The following NUMB variants were observed in gnomAD, a reference collection of about 807,000 sequenced individuals.
NUMB encodes the protein NUMB endocytic adaptor protein, also known as protein numb homolog.
Under a neutral mutation model 59.7 loss-of-function variants are expected in NUMB, and 29 were observed. The ratio of observed to expected loss-of-function variants is 0.49; its 90% confidence interval spans 0.36 to 0.66. The LOEUF is 0.66. Among genes scored for constraint, NUMB ranks in the 30% least tolerant of loss-of-function variants. The probability of loss-of-function intolerance (pLI) is 0.00; values close to 1 mark genes in which losing one functional copy is unlikely to be tolerated. For synonymous variants in NUMB, 288 were observed against 288.2 expected (o/e 1.00, Z 0.01); for missense variants, 723 against 822.0 (o/e 0.88, Z 1.47).
chr14:73,440,812 A>G (rs1382738252), intron 1 of NUMB, among the ~76,000 whole-genome samples: 1 of 126,504 alleles, frequency 7.9e-6, no homozygotes, highest in Non-Finnish European at 1.6e-5. Flanking sequence ...TGGGTGACAG[A>G]GCGAGACTCC....
intron 1 of NUMB, among the ~76,000 whole-genome samples, chr14:73,452,764 T>G (rs1402348133): frequency 6.6e-6 from 1 of 152,150 alleles, no homozygotes; most frequent in Non-Finnish European, 1.5e-5. Context: ...AAGAAGAGCC[T>G]TCTTCTAAAT....
rs1594953942 is a variant in NUMB at position 73,366,830 on chromosome 14, A to C, written c.-16+67T>G. Reference sequence around the variant, plus strand: ...AATATTAATACTAACACAACTTATCACAGGTTGATACTTCACAGCTATTTC... The same window carrying C: ...AATATTAATACTAACACAACTTATCCCAGGTTGATACTTCACAGCTATTTC... On this transcript the variant is annotated intron_variant, in intron 3 of 12. Coordinates refer to ENST00000555238, the MANE Select transcript of NUMB (RefSeq NM_001005743.2). 4 of 152,314 alleles carry C rather than the reference A, an allele frequency of 2.6e-5. No homozygotes were observed. In the South Asian group the frequency reaches 8.3e-4, roughly 32 times the overall value. The allele number at this position is 152,314 out of a possible 1,614,324, so 9.4% of individuals were successfully genotyped here.
chr14:73,367,155 T>C (rs1048959035), intron 2 of NUMB, among the ~76,000 whole-genome samples, 174 bp from the exon 3 acceptor site: 1 of 151,234 alleles, frequency 6.6e-6, no homozygotes, highest in Non-Finnish European at 1.5e-5. Context: ...TCCAAGTTAC[T>C]CCAGTAACTG....
chr14:73,386,440 C>T (rs1440579698), intron 2 of NUMB, among the ~76,000 whole-genome samples: 1 of 152,170 alleles, frequency 6.6e-6, no homozygotes, highest in East Asian at 1.9e-4. Flanking sequence ...TGATCCAACG[C>T]TGCTACAATT....
At chr14:73,305,518 A>C (rs1198146072) in intron 6 of NUMB, among the ~76,000 whole-genome samples, 1 of 152,212 alleles carries the variant, frequency 6.6e-6, no homozygotes, top group Non-Finnish European at 1.5e-5. Context: ...AATTAACAAA[A>C]ATAAAAATGA....
chr14:73,433,753 G>A (rs1402478157), intron 1 of NUMB, among the ~76,000 whole-genome samples: 1 of 151,886 alleles, frequency 6.6e-6, no homozygotes, highest in Non-Finnish European at 1.5e-5. Flanking sequence ...AGGAGTATAG[G>A]TAGTAAAGAG....
intron 4 of NUMB, among the ~76,000 whole-genome samples, chr14:73,352,681 C>T (rs1460450908): frequency 6.9e-6 from 1 of 145,406 alleles, no homozygotes; most frequent in African/African-American, 2.5e-5. Context: ...ATTACAGGCG[C>T]CCGCCACCAC....
intron 1 of NUMB, among the ~76,000 whole-genome samples, chr14:73,419,844 T>C (rs973789644): frequency 2.6e-5 from 4 of 152,144 alleles, no homozygotes; most frequent in African/African-American, 7.2e-5. Flanking sequence ...ACTTAAGGGA[T>C]GAATCCAAAC....
chr14:73,438,424 A>G (rs1310890281), intron 1 of NUMB, among the ~76,000 whole-genome samples: 1 of 152,112 alleles, frequency 6.6e-6, no homozygotes, highest in African/African-American at 2.4e-5. Context: ...TGGGGTTAGG[A>G]GTTCAAGACC....
At chr14:73,439,334 A>C (rs1319190067) in intron 1 of NUMB, among the ~76,000 whole-genome samples, 1 of 152,212 alleles carries the variant, frequency 6.6e-6, no homozygotes, top group Non-Finnish European at 1.5e-5. Flanking sequence ...TGCTCTTAAG[A>C]TCTCTAAAAG....
At chr14:73,302,405 CTTTTTTTTT>C (rs71112726) in intron 6 of NUMB, among the ~76,000 whole-genome samples, 5 of 115,054 alleles carry the variant, frequency 4.3e-5, no homozygotes, top group African/African-American at 1.4e-4. Flanking sequence ...TTCCACATTT[CTTTTTTTTT>C]TTTTTTTTTT....
At chr14:73,425,024 C>T (rs559009983) in intron 1 of NUMB, among the ~76,000 whole-genome samples, 1 of 152,276 alleles carries the variant, frequency 6.6e-6, no homozygotes, top group African/African-American at 2.4e-5. Context: ...TCAGTCAGAA[C>T]TATGGTTGTC....
In NUMB at chr14:73,353,072, G is replaced by GTTTTTTTTTTTTTTTTTTTTTTTTTTT. The variant is rs71112737; in HGVS notation, c.126+2527_126+2553dup. On this transcript the variant is annotated intron_variant, in intron 4 of 12. Coordinates refer to ENST00000555238, the MANE Select transcript of NUMB (RefSeq NM_001005743.2). ...CTTAATGGATGCCACAGTTTTTCTT[G>GTTTTTTTTTTTTTTTTTTTTTTTTTTT]TTTTTTTTTTTTTTTTTTTTTTTTT... Among the ~76,000 whole-genome samples, 19 of 58,522 alleles carry GTTTTTTTTTTTTTTTTTTTTTTTTTTT rather than the reference G, an allele frequency of 3.2e-4. 4 individuals are homozygous for GTTTTTTTTTTTTTTTTTTTTTTTTTTT. The highest frequency in any genetic ancestry group is 6.2e-4 in the South Asian group (1 of 1,602). 38.4% of individuals were successfully genotyped at this position (58,522 alleles called of 152,430 possible).
chr14:73,276,596 C>A lies in NUMB; in HGVS notation c.1938G>T (p.Thr646=). 6.2e-7 allele frequency: 1 copy of A among 1,612,220 alleles called. No individual in the cohort carries two copies. The highest frequency in any genetic ancestry group is 8.5e-7 in the Non-Finnish European group (1 of 1,178,604). Residue 646 remains threonine, a synonymous_variant, in exon 13 of 13, where the codon ACG becomes ACT. Coordinates refer to ENST00000555238, the MANE Select transcript of NUMB (RefSeq NM_001005743.2). ...TGATTGCTTAAAGTTCAATTTCAAACGTCTTCTGTAAGTCACTGGAGAAAG... is the reference window on the plus strand; with the variant it reads ...TGATTGCTTAAAGTTCAATTTCAAAAGTCTTCTGTAAGTCACTGGAGAAAG... ...TNPFSSDLQK[T]FEIEL is the part of the protein sequence containing the mutation.
intron 9 of NUMB, chr14:73,284,949 G>A (rs1888883507): frequency 6.6e-6 from 1 of 152,252 alleles, no homozygotes; most frequent in African/African-American, 2.4e-5. Context: ...CCAGGTTCAA[G>A]TGATTCTCCT....
intron 2 of NUMB, among the ~76,000 whole-genome samples, chr14:73,401,776 A>G (rs1896429710): frequency 6.6e-6 from 1 of 151,906 alleles, no homozygotes; most frequent in African/African-American, 2.4e-5. Flanking sequence ...TCACTGTGCT[A>G]GCCAGGATGG....
At chr14:73,429,659 A>T in intron 1 of NUMB, among the ~76,000 whole-genome samples, 1 of 150,426 alleles carries the variant, frequency 6.6e-6, no homozygotes, top group Admixed American at 6.6e-5. Flanking sequence ...AATGGCATTA[A>T]AGCTGTGTGG....
intron 4 of NUMB, among the ~76,000 whole-genome samples, chr14:73,337,136 TA>T (rs879509965): frequency 8.0e-4 from 116 of 145,732 alleles, no homozygotes; most frequent in African/African-American, 1.7e-3. Context: ...ACTCTGTCTT[TA>T]AAAAAAAAAA....
At chr14:73,354,883 A>G (rs188594389) in intron 4 of NUMB, among the ~76,000 whole-genome samples, 49 of 151,744 alleles carry the variant, frequency 3.2e-4, no homozygotes, top group African/African-American at 1.1e-3. Context: ...TTAACATTTT[A>G]TATCAAACTA....
Sources: gnomAD v4.1 joint callset for allele counts (sites outside exome capture counted in the v4.1 genomes callset) on GRCh38, gnomAD v4.1.1 for gene constraint, MANE v1.5 for transcripts, NCBI Gene and HGNC (gene_info 2026-07-23, HGNC 2026-07-21) for gene names.